The following MYO18B variants were observed in gnomAD, a reference collection of about 807,000 sequenced individuals.
The protein encoded by MYO18B is myosin XVIIIB.
MYO18B carries 204 observed loss-of-function variants against 273.0 expected under a neutral mutation model. The ratio of observed to expected loss-of-function variants is 0.75; its 90% CI spans 0.67 to 0.84. The LOEUF is 0.84. MYO18B is among the 40% of genes least tolerant of loss of function. The probability of loss-of-function intolerance (pLI) is 0.00; values close to 1 mark genes in which losing one functional copy is unlikely to be tolerated. For missense variants in MYO18B, 3,212 were observed against 3,287.6 expected (o/e 0.98, Z 0.56); for synonymous variants, 1,330 against 1,305.7 (o/e 1.02, Z -0.40).
At chr22:25,776,409 C>G (rs1365865552) in intron 7 of MYO18B, among the ~76,000 whole-genome samples, 1 of 152,140 alleles carries the variant, frequency 6.6e-6, no homozygotes, top group East Asian at 1.9e-4. Flanking sequence ...ACAAGCCTGG[C>G]TAACATGGTG....
intron 12 of MYO18B, among the ~76,000 whole-genome samples, chr22:25,818,438 A>G (rs1237526971): frequency 6.6e-6 from 1 of 152,162 alleles, no homozygotes; most frequent in African/African-American, 2.4e-5. Context: ...TTGCACAAGA[A>G]TTTTGACTTT....
rs1044486831 is a variant in MYO18B, at chr22:25,801,309, A to G, written c.2521+3212A>G. Among the ~76,000 whole-genome samples, 4 of 152,282 alleles carry G rather than the reference A, an allele frequency of 2.6e-5. No homozygotes were observed. In the East Asian group the frequency reaches 7.7e-4, roughly 29 times the overall value. On this transcript the variant is annotated intron_variant, in intron 12 of 43. Transcript: ENST00000335473. ...AACTGTTATAGCAATGACAATCACC[A>G]CTAATATTGGCCTGGTGTTTGACAG...
At chr22:25,988,019 G>A (rs2093220598) in intron 39 of MYO18B, among the ~76,000 whole-genome samples, 1 of 151,890 alleles carries the variant, frequency 6.6e-6, no homozygotes, top group Non-Finnish European at 1.5e-5. Flanking sequence ...GCTCACAATC[G>A]ACCTCAGCAC....
intron 39 of MYO18B, among the ~76,000 whole-genome samples, chr22:25,990,697 A>T (rs2093257037): frequency 2.9e-5 from 2 of 68,926 alleles, no homozygotes; most frequent in African/African-American, 1.0e-4. Flanking sequence ...AAAAAAAAAA[A>T]AAAAAAAAAA....
At chr22:25,847,269 C>G (rs932399974) in intron 19 of MYO18B, among the ~76,000 whole-genome samples, 161 bp from the exon 20 acceptor site, 20 of 152,248 alleles carry the variant, frequency 1.3e-4, no homozygotes, top group African/African-American at 4.8e-4. Flanking sequence ...ACCATTATTT[C>G]TCATGAGCAC....
chr22:26,056,349 A>G, the MYO18B span, among the ~76,000 whole-genome samples: 9 of 152,194 alleles, frequency 5.9e-5, no homozygotes, highest in Admixed American at 5.2e-4. Flanking sequence ...TTATCCATCA[A>G]TTTCAATTTG....
intron 11 of MYO18B, among the ~76,000 whole-genome samples, chr22:25,793,641 C>T (rs1417137679): frequency 6.6e-6 from 1 of 152,150 alleles, no homozygotes; most frequent in Non-Finnish European, 1.5e-5. Flanking sequence ...GGGCGTCCAG[C>T]TCTGACTCCA....
intron 36 of MYO18B, among the ~76,000 whole-genome samples, chr22:25,949,651 A>T (rs9608432): frequency 0.21 from 32,116 of 152,126 alleles, 3,781 homozygotes; most frequent in African/African-American, 0.32. Flanking sequence ...ATGGTAACAA[A>T]CACCACAAAA....
chr22:25,976,506 G>A (rs1245002704), intron 39 of MYO18B, among the ~76,000 whole-genome samples: 1 of 152,142 alleles, frequency 6.6e-6, no homozygotes, highest in Non-Finnish European at 1.5e-5. Flanking sequence ...CACAGCAGAT[G>A]GAAACCAATC....
the MYO18B span, among the ~76,000 whole-genome samples, chr22:26,036,323 C>A: frequency 6.6e-6 from 1 of 152,144 alleles, no homozygotes. Flanking sequence ...GACACAGTGA[C>A]CCTGTCACCC....
intron 16 of MYO18B, among the ~76,000 whole-genome samples, chr22:25,833,973 G>A (rs1280981118): frequency 2.0e-5 from 3 of 152,092 alleles, no homozygotes; most frequent in Non-Finnish European, 4.4e-5. Context: ...ACTGTTGTCA[G>A]TGTGTTCTTC....
In MYO18B at chr22:25,768,486, A is replaced by C; in HGVS notation, c.570A>C (p.Glu190Asp). 3 of 1,572,050 alleles carry C rather than the reference A, an allele frequency of 1.9e-6. No individual in the cohort carries two copies. The highest frequency in any genetic ancestry group is 2.6e-6 in the Non-Finnish European group (3 of 1,155,104). Residue 190 changes from glutamate to aspartate, a missense_variant, in exon 4 of 44, where the codon GAA becomes GAC. Transcript: ENST00000335473. ...TSPPATDTGKEKKGETSRTPC... is the reference protein window; with the variant it reads ...TSPPATDTGKDKKGETSRTPC... Reference sequence around the variant, plus strand: ...CCCCCGCCACAGATACTGGAAAGGAAAAGAAAGGGGAGACCTCTAGGACTC... The same window carrying C: ...CCCCCGCCACAGATACTGGAAAGGACAAGAAAGGGGAGACCTCTAGGACTC...
intron 40 of MYO18B, among the ~76,000 whole-genome samples, chr22:25,999,618 T>TTCCTCC (rs1198658073): frequency 2.6e-5 from 3 of 117,378 alleles, no homozygotes; most frequent in African/African-American, 6.5e-5. Flanking sequence ...TCTCCTTCTC[T>TTCCTCC]TCCTCCTCCT....
At chr22:26,062,351 G>A in the MYO18B span, among the ~76,000 whole-genome samples, 1 of 152,160 alleles carries the variant, frequency 6.6e-6, no homozygotes, top group Non-Finnish European at 1.5e-5. Flanking sequence ...GGATTTCAGG[G>A]AGAACTTGTT....
intron 39 of MYO18B, among the ~76,000 whole-genome samples, chr22:25,965,627 G>A (rs943434061): frequency 3.3e-5 from 5 of 152,166 alleles, no homozygotes; most frequent in African/African-American, 1.2e-4. Flanking sequence ...TATATCATTT[G>A]CACCATACAG....
chr22:25,779,976 G>C, intron 8 of MYO18B, 80 bp from the exon 9 acceptor site: 1 of 1,468,312 alleles, frequency 6.8e-7, no homozygotes, highest in Non-Finnish European at 9.0e-7. Context: ...CAGGGGCCGT[G>C]GAAAAGGTGG....
At chr22:25,847,946 C>T (rs2090306521) in intron 20 of MYO18B, among the ~76,000 whole-genome samples, 1 of 109,272 alleles carries the variant, frequency 9.2e-6, no homozygotes, top group Non-Finnish European at 1.8e-5. Flanking sequence ...AACACACACA[C>T]ATACACACAC....
At chr22:25,969,909 C>T (rs764643854) in intron 39 of MYO18B, among the ~76,000 whole-genome samples, 4 of 152,170 alleles carry the variant, frequency 2.6e-5, no homozygotes, top group East Asian at 1.9e-4. Context: ...AAAGTAAGCC[C>T]GCCTATCATC....
chr22:26,043,613 C>A, the MYO18B span, among the ~76,000 whole-genome samples: 1 of 149,988 alleles, frequency 6.7e-6, no homozygotes. Flanking sequence ...CGGGTTCTTG[C>A]AATTCTCCTG....
Sources: allele counts gnomAD v4.1 joint callset (sites outside exome capture counted in the v4.1 genomes callset), GRCh38; gene constraint gnomAD v4.1.1; transcripts MANE v1.5; gene names NCBI Gene and HGNC (gene_info 2026-07-23, HGNC 2026-07-21).